FASTKD1: variants seen among roughly 807,000 people sequenced by gnomAD.
FASTKD1 encodes the protein FAST kinase domain-containing protein 1, mitochondrial.
FASTKD1 carries 94 observed loss-of-function variants against 90.9 expected under a neutral mutation model. The ratio of observed to expected loss-of-function variants is 1.03; its 90% CI spans 0.88 to 1.23. The LOEUF (loss-of-function observed/expected upper bound fraction) is 1.23. FASTKD1 is among the 50% of genes most tolerant of loss of function. The pLI, the probability that FASTKD1 is intolerant of heterozygous loss-of-function variation, is 0.00. For missense variants in FASTKD1, 945 were observed against 993.5 expected (o/e 0.95, Z 0.66); for synonymous variants, 319 against 345.8 (o/e 0.92, Z 0.86).
chr2:169,549,414 T>A (rs13420360), intron 7 of FASTKD1, among the ~76,000 whole-genome samples: 98,372 of 152,030 alleles, frequency 0.65, 32,057 homozygotes, highest in Admixed American at 0.74. Context: ...AAAAAAAAAT[T>A]AAAAATAAAA....
At chr2:169,534,632 T>C (rs1559138246) in intron 12 of FASTKD1, among the ~76,000 whole-genome samples, 1 of 151,826 alleles carries the variant, frequency 6.6e-6, no homozygotes, top group Non-Finnish European at 1.5e-5. Context: ...GCTAATTTTG[T>C]ATATTTAGTA....
In FASTKD1 at chr2:169,529,522, GT is replaced by G. The variant is rs1684385730; in HGVS notation, c.*302del. 6.6e-6 allele frequency among the ~76,000 whole-genome samples: 1 copy of G among 152,186 alleles called. No homozygotes were observed. Among genetic ancestry groups the G allele is most frequent in the Non-Finnish European group, 1.5e-5 (1 of 68,030 alleles). ...TTCTTATCTCAACAAGGTAGCCAAA[GT>G]AACGCAGTTAAAATGTGAATTCATA... On this transcript the variant is annotated 3_prime_UTR_variant, in exon 15 of 15. Transcript: ENST00000453153.
At chr2:169,564,838 C>T (rs192444127) in intron 3 of FASTKD1, among the ~76,000 whole-genome samples, 1 of 152,052 alleles carries the variant, frequency 6.6e-6, no homozygotes, top group Admixed American at 6.6e-5. Flanking sequence ...CTTTCTGTGC[C>T]TGGCTTATTT....
At chr2:169,551,101 T>C (rs979783630) in intron 7 of FASTKD1, among the ~76,000 whole-genome samples, 3 of 152,158 alleles carry the variant, frequency 2.0e-5, no homozygotes, top group African/African-American at 4.8e-5. Flanking sequence ...ATGAGCACTG[T>C]CCTGGGTTAT....
intron 12 of FASTKD1, chr2:169,536,903 T>C (rs1684743344): frequency 5.1e-6 from 1 of 197,390 alleles, no homozygotes; most frequent in Non-Finnish European, 1.0e-5. Flanking sequence ...TTTCACACAC[T>C]GAATGGAGAG....
intron 2 of FASTKD1, among the ~76,000 whole-genome samples, chr2:169,570,074 C>T (rs953965603): frequency 2.0e-5 from 3 of 152,072 alleles, no homozygotes; most frequent in East Asian, 3.8e-4. Context: ...CCTATAAATG[C>T]CAATTCTCTT....
chr2:169,557,259 G>A lies in FASTKD1; in HGVS notation c.1010C>T (p.Thr337Ile). 1 of 1,610,130 alleles carries A rather than the reference G, an allele frequency of 6.2e-7. No individual in the cohort carries two copies. ...STMLLMSEDL[T>I]GEQALAVLGA... is the part of the protein sequence containing the mutation. ...CAACACTGCCAGGGCTTGCTCGCCA[G>A]TTAGGTCCTCTGACATCAATAACAT... Residue 337 changes from threonine (T) to isoleucine (I), a missense_variant, in exon 6 of 15, where the codon ACT becomes ATT. Coordinates refer to ENST00000453153, the MANE Select transcript of FASTKD1 (RefSeq NM_024622.6).
At chr2:169,547,625 G>A (rs898085788) in intron 7 of FASTKD1, among the ~76,000 whole-genome samples, 3 of 152,038 alleles carry the variant, frequency 2.0e-5, no homozygotes, top group Non-Finnish European at 4.4e-5. Flanking sequence ...GCCAGGCACG[G>A]TGGCTCATGT....
intron 12 of FASTKD1, among the ~76,000 whole-genome samples, chr2:169,532,817 A>G (rs1015388881): frequency 3.9e-5 from 6 of 152,184 alleles, no homozygotes; most frequent in African/African-American, 1.4e-4. Context: ...AAAACAGGAA[A>G]AGCAAAGGTA....
rs755029696 is a variant in FASTKD1 at position 169,571,763 on chromosome 2, A to G, written c.267T>C (p.Ala89=). The change falls in exon 2 of 15, where the codon GCT becomes GCC. Residue 89 remains alanine (A), a synonymous_variant. Coordinates refer to ENST00000453153, the MANE Select transcript of FASTKD1 (RefSeq NM_024622.6). ...QKQKTSLLKN[A]EYVRDHPQFL... ...ATTGAGGATGGTCTCTGACATACTC[A>G]GCATTTTTTAACAGGCTGGTCTTCT... 4 of 1,614,106 alleles carry G rather than the reference A, an allele frequency of 2.5e-6. No individual in the cohort carries two copies. The Admixed American group carries it at 5.0e-5, about 20-fold the overall frequency.
rs1272539753 is a variant in FASTKD1, at chr2:169,529,422, T to C, written c.*403A>G. Reference sequence around the variant, plus strand: ...TGCTACCACTCTCTCCAAGCCACCATCCATTGTTGTCTGGATTATTGCAAT... The same window carrying C: ...TGCTACCACTCTCTCCAAGCCACCACCCATTGTTGTCTGGATTATTGCAAT... On this transcript the variant is annotated 3_prime_UTR_variant, in exon 15 of 15. Coordinates refer to ENST00000453153, the MANE Select transcript of FASTKD1 (RefSeq NM_024622.6). 6.6e-6 allele frequency among the ~76,000 whole-genome samples: 1 copy of C among 152,230 alleles called. No individual in the cohort carries two copies. The highest frequency in any genetic ancestry group is 1.5e-5 in the Non-Finnish European group (1 of 68,040).
In FASTKD1 at chr2:169,546,476, T is replaced by C; in HGVS notation, c.1443A>G (p.Gln481=). ...TCTGACGACCATAGTGATCTAATTT[T>C]TGAAGTAGTTTCAGTTGTTTCGCAG... ...NMTAKQLKLL[Q]KLDHYGRQRL... Residue 481 remains glutamine, a synonymous_variant, in exon 8 of 15, where the codon CAA becomes CAG. Transcript: ENST00000453153. 1 of 1,614,248 alleles carries C rather than the reference T, an allele frequency of 6.2e-7. No homozygotes were observed. The highest frequency in any genetic ancestry group is 8.5e-7 in the Non-Finnish European group (1 of 1,180,044).
chr2:169,561,788 T>TATTGTAAATTATTTATTAATTC (rs1559156594), intron 4 of FASTKD1, among the ~76,000 whole-genome samples: 5 of 142,456 alleles, frequency 3.5e-5, no homozygotes, highest in African/African-American at 1.4e-4. Flanking sequence ...TTTATTAATT[T>TATTGTAAATTATTTATTAATTC]ATTGTAAATT....
intron 9 of FASTKD1, among the ~76,000 whole-genome samples, chr2:169,541,959 G>A (rs935728736): frequency 6.6e-6 from 1 of 151,954 alleles, no homozygotes; most frequent in African/African-American, 2.4e-5. Context: ...TTCATCCTGG[G>A]ACTCTCTTCC....
Position 169,530,666 on chromosome 2 carries a change from C to T in FASTKD1, c.2363G>A (p.Cys788Tyr), listed in dbSNP as rs1164836641. The T allele has an allele frequency of 6.2e-7, 1 of 1,607,062 alleles. No homozygotes were observed. Among genetic ancestry groups the T allele is most frequent in the Non-Finnish European group, 8.5e-7 (1 of 1,177,862 alleles). The change falls in exon 14 of 15, where the codon TGT (cysteine) becomes TAT (tyrosine). Residue 788 changes from cysteine to tyrosine, a missense_variant. By Grantham distance (194) the Cys-to-Tyr change is radical (BLOSUM62 -2). Transcript: ENST00000453153. ...ALEFLDSKAL[C>Y]RNIPHMKGKS... ...TCCTTTCATGTGAGGGATATTTCTA[C>T]AAAGTGCTTTTGAATCCAAAAATTC...
intron 11 of FASTKD1, 35 bp from the exon 12 acceptor site, chr2:169,537,375 CTT>C: frequency 1.5e-6 from 2 of 1,311,224 alleles, no homozygotes; most frequent in East Asian, 4.9e-5. Flanking sequence ...TCTACTTAAT[CTT>C]TTTTTTCTTT....
chr2:169,557,606 T>C (rs1337756705), intron 5 of FASTKD1, among the ~76,000 whole-genome samples: 1 of 152,220 alleles, frequency 6.6e-6, no homozygotes, highest in Non-Finnish European at 1.5e-5. Flanking sequence ...TAAAATACTA[T>C]GATTCAGTGA....
chr2:169,556,240 C>T (rs1483912790), intron 6 of FASTKD1, among the ~76,000 whole-genome samples: 3 of 151,762 alleles, frequency 2.0e-5, no homozygotes, highest in African/African-American at 7.3e-5. Flanking sequence ...AGTTGGAGAC[C>T]AGCCTGGGTA....
At chr2:169,534,463 C>CTTTTTTTTTTTTTTTTTTTTTT (rs1210482307) in intron 12 of FASTKD1, among the ~76,000 whole-genome samples, 1 of 110,672 alleles carries the variant, frequency 9.0e-6, no homozygotes. Flanking sequence ...TTTTTTTTTT[C>CTTTTTTTTTTTTTTTTTTTTTT]TTTTTTTTTT....
Sources: allele counts gnomAD v4.1 joint callset (sites outside exome capture counted in the v4.1 genomes callset), GRCh38; gene constraint gnomAD v4.1.1; transcripts MANE v1.5; gene names NCBI Gene and HGNC (gene_info 2026-07-23, HGNC 2026-07-21).